MTDH: variants seen among roughly 807,000 people sequenced by gnomAD.
The protein encoded by MTDH is metadherin.
MTDH carries 34 observed loss-of-function variants against 72.7 expected under a neutral mutation model. The observed-to-expected ratio is 0.47, with a 90% CI of 0.36 to 0.62. MTDH has a LOEUF of 0.62. Ranked by LOEUF, MTDH falls within the 20% of genes least tolerant of loss-of-function variation. The pLI is 0.00. For synonymous variants in MTDH, 266 were observed against 268.9 expected (o/e 0.99, Z 0.10); for missense variants, 677 against 699.4 (o/e 0.97, Z 0.36).
chr8:97,714,846 G>A (rs1225135352), intron 9 of MTDH, among the ~76,000 whole-genome samples: 3 of 151,066 alleles, frequency 2.0e-5, no homozygotes, highest in African/African-American at 7.3e-5. Context: ...TTTTATTTGA[G>A]ACAGAGTCTT....
At chr8:97,674,657 G>A (rs1812769308) in intron 2 of MTDH, among the ~76,000 whole-genome samples, 1 of 152,084 alleles carries the variant, frequency 6.6e-6, no homozygotes, top group African/African-American at 2.4e-5. Context: ...AAAAAACATT[G>A]TTAATATTAC....
intron 2 of MTDH, among the ~76,000 whole-genome samples, chr8:97,680,839 G>T (rs1012362385): frequency 6.6e-6 from 1 of 152,134 alleles, no homozygotes; most frequent in East Asian, 1.9e-4. Context: ...TATCAGTGCT[G>T]ATCATGAAGC....
At chr8:97,664,145 C>T (rs1032812011) in intron 2 of MTDH, among the ~76,000 whole-genome samples, 2 of 152,284 alleles carry the variant, frequency 1.3e-5, no homozygotes, top group East Asian at 1.9e-4. Context: ...CACCTGAGAT[C>T]GGGAGTTTGA....
chr8:97,682,866 G>A (rs142549004), intron 2 of MTDH, among the ~76,000 whole-genome samples: 8 of 151,478 alleles, frequency 5.3e-5, no homozygotes, highest in Non-Finnish European at 1.0e-4. Context: ...TCCATATGAC[G>A]GGTGGGGAAC....
intron 2 of MTDH, among the ~76,000 whole-genome samples, chr8:97,666,544 C>T (rs1715675920): frequency 6.6e-6 from 1 of 152,144 alleles, no homozygotes; most frequent in South Asian, 2.1e-4. Context: ...CATTAGGTCC[C>T]TGAAGGCAAA....
Position 97,721,232 on chromosome 8 carries a change from A to G in MTDH, c.1522-1647A>G, listed in dbSNP as rs543498920. Reference sequence around the variant, plus strand: ...TGAGATGGGTAGATCACTTGAGCTCAGGAGTTCAAGACCAGCTGGGCAGAA... The same window carrying G: ...TGAGATGGGTAGATCACTTGAGCTCGGGAGTTCAAGACCAGCTGGGCAGAA... On this transcript the variant is annotated intron_variant, in intron 10 of 11. Coordinates refer to ENST00000336273, the MANE Select transcript of MTDH (RefSeq NM_178812.4). Among the ~76,000 whole-genome samples the G allele has an allele frequency of 3.9e-5, 6 of 152,148 alleles. No individual in the cohort carries two copies. In the East Asian group the frequency reaches 1.2e-3, roughly 30 times the overall value.
rs71271144 is a variant in MTDH at position 97,683,045 on chromosome 8, C to CTTTT, written c.484-3589_484-3586dup. On this transcript the variant is annotated intron_variant, in intron 2 of 11. Transcript: ENST00000336273. ...CTTTACCCTATGATGCTCTTAGACACTTTTTTTTTTTTTTTTTTTTTTTTT... is the reference window on the plus strand; with the variant it reads ...CTTTACCCTATGATGCTCTTAGACACTTTTTTTTTTTTTTTTTTTTTTTTTTTTT... Among the ~76,000 whole-genome samples, 200 of 44,386 alleles carry CTTTT rather than the reference C, an allele frequency of 4.5e-3. 73 individuals are homozygous for CTTTT. Among genetic ancestry groups the CTTTT allele is most frequent in the East Asian group, 0.01 (10 of 1,000 alleles). The allele number at this position is 44,386 out of a possible 152,430, so 29.1% of individuals were successfully genotyped here.
chr8:97,677,984 A>G (rs746649329), intron 2 of MTDH, among the ~76,000 whole-genome samples: 27 of 152,238 alleles, frequency 1.8e-4, no homozygotes, highest in Non-Finnish European at 2.5e-4. Context: ...ATCAAAATGC[A>G]TTCATTCATT....
Position 97,666,000 on chromosome 8 carries a change from C to T in MTDH, c.483+4827C>T, listed in dbSNP as rs555449295. Among the ~76,000 whole-genome samples the T allele has an allele frequency of 2.4e-3, 363 of 152,098 alleles. 2 individuals carry two copies. Among genetic ancestry groups the T allele is most frequent in the Non-Finnish European group, 3.9e-3 (266 of 67,986 alleles). On this transcript the variant is annotated intron_variant, in intron 2 of 11. Transcript: ENST00000336273. ...AAAATTAGCCGGGCATGGTGGCAGG[C>T]GCCTGTAGTCCCAGATACTCAGGAG...
At chr8:97,659,370 A>G (rs1213375025) in intron 1 of MTDH, among the ~76,000 whole-genome samples, 1 of 152,196 alleles carries the variant, frequency 6.6e-6, no homozygotes, top group African/African-American at 2.4e-5. Context: ...CCAAATCAAG[A>G]GTAAGAAAAC....
intron 1 of MTDH, among the ~76,000 whole-genome samples, chr8:97,659,180 A>C (rs1285286732): frequency 6.6e-6 from 1 of 151,802 alleles, no homozygotes; most frequent in African/African-American, 2.4e-5. Flanking sequence ...AAGTAAAATT[A>C]AACAAAGTTT....
At chr8:97,717,479 C>T (rs1461696513) in intron 9 of MTDH, among the ~76,000 whole-genome samples, 1 of 152,208 alleles carries the variant, frequency 6.6e-6, no homozygotes, top group Non-Finnish European at 1.5e-5. Context: ...CTCCTGTCTC[C>T]TGACTAATCA....
At position 97,725,256 on chromosome 8, in the gene MTDH, TAAAA is replaced by T. The variant is rs1427357189; in HGVS notation, c.*587_*590del. 3 of 152,668 alleles carry T rather than the reference TAAAA, an allele frequency of 2.0e-5. No individual in the cohort carries two copies. Among genetic ancestry groups the T allele is most frequent in the African/African-American group, 7.2e-5 (3 of 41,476 alleles). The allele number at this position is 152,668 out of a possible 1,614,324, so 9.5% of individuals were successfully genotyped here. On this transcript the variant is annotated 3_prime_UTR_variant, in exon 12 of 12. Coordinates refer to ENST00000336273, the MANE Select transcript of MTDH (RefSeq NM_178812.4). ...TAGTTTACAATTTTTAAAAAGTTCT[TAAAA>T]TACTGAAAATGCAGTTGACACTTGT...
intron 6 of MTDH, among the ~76,000 whole-genome samples, chr8:97,695,306 C>T (rs1813790394): frequency 6.6e-6 from 1 of 151,842 alleles, no homozygotes; most frequent in African/African-American, 2.4e-5. Flanking sequence ...TAGAAATAGG[C>T]TCTCACCATG....
Position 97,722,967 on chromosome 8 carries a change from C to T in MTDH, c.1610C>T (p.Pro537Leu), listed in dbSNP as rs777875524. Residue 537 changes from proline (P) to leucine (L), a missense_variant, in exon 11 of 12, where the codon CCG becomes CTG. Transcript: ENST00000336273. ...TCTGACAAGAGCTCTTCCCAAGTGCCGCCAATACTACAAGAGACAGATAAA... is the reference window on the plus strand; with the variant it reads ...TCTGACAAGAGCTCTTCCCAAGTGCTGCCAATACTACAAGAGACAGATAAA... ...SDSDKSSSQV[P>L]PILQETDKSK... The T allele has an allele frequency of 9.3e-6, 15 of 1,613,988 alleles. No individual in the cohort carries two copies. The highest frequency in any genetic ancestry group is 3.3e-4 in the Middle Eastern group (2 of 6,060).
chr8:97,669,793 G>A (rs1251422490), intron 2 of MTDH, among the ~76,000 whole-genome samples: 1 of 152,058 alleles, frequency 6.6e-6, no homozygotes, highest in Non-Finnish European at 1.5e-5. Flanking sequence ...GCACACGCCT[G>A]TAATCCCAGC....
intron 6 of MTDH, among the ~76,000 whole-genome samples, chr8:97,694,377 A>G (rs1318116217): frequency 6.6e-6 from 1 of 151,808 alleles, no homozygotes; most frequent in Non-Finnish European, 1.5e-5. Flanking sequence ...TTGTATTTTT[A>G]GTAGAGATGG....
chr8:97,715,983 C>A (rs1209596989), intron 9 of MTDH, among the ~76,000 whole-genome samples: 2 of 151,596 alleles, frequency 1.3e-5, no homozygotes, highest in African/African-American at 4.8e-5. Context: ...GAATCTTGTT[C>A]TGTCATTTTT....
intron 9 of MTDH, among the ~76,000 whole-genome samples, chr8:97,716,068 A>T (rs779759538): frequency 1.3e-5 from 2 of 152,126 alleles, no homozygotes; most frequent in African/African-American, 4.8e-5. Flanking sequence ...TTCTATGCTG[A>T]GTACATAGCA....
Sources: allele counts gnomAD v4.1 joint callset (sites outside exome capture counted in the v4.1 genomes callset), GRCh38; gene constraint gnomAD v4.1.1; transcripts MANE v1.5; gene names NCBI Gene and HGNC (gene_info 2026-07-23, HGNC 2026-07-21).